The following NALF1 variants were observed in gnomAD, a reference collection of about 807,000 sequenced individuals.
NALF1 encodes family with sequence similarity 155 member A.
Under a neutral mutation model 48.4 loss-of-function variants are expected in NALF1, and 3 were observed. The ratio of observed to expected loss-of-function variants is 0.06; its 90% CI spans 0.03 to 0.16. The LOEUF (loss-of-function observed/expected upper bound fraction) is 0.16. Ranked by LOEUF, NALF1 falls within the 10% of genes least tolerant of loss-of-function variation. NALF1 has a pLI of 1.00. For missense variants in NALF1, 526 were observed against 571.5 expected (o/e 0.92, Z 0.81); for synonymous variants, 262 against 245.7 (o/e 1.07, Z -0.62).
chr13:107,827,574 C>T (rs1211366684), intron 1 of NALF1, among the ~76,000 whole-genome samples: 1 of 152,214 alleles, frequency 6.6e-6, no homozygotes, highest in Non-Finnish European at 1.5e-5. Context: ...AACCCACCTT[C>T]CCGGGTCAGC....
Position 107,472,566 on chromosome 13 carries a change from G to C in NALF1, c.916-261811C>G, listed in dbSNP as rs375521302. Among the ~76,000 whole-genome samples the C allele has an allele frequency of 6.3e-3, 966 of 152,230 alleles. 15 individuals carry two copies. The highest frequency in any genetic ancestry group is 0.022 in the African/African-American group (927 of 41,560). ...TGCCAGTGTGGCTAGGATAAAAGCA[G>C]GCAGAGGAACATGGAGAGACTAGAC... On this transcript the variant is annotated intron_variant, in intron 1 of 2. Transcript: ENST00000375915.
intron 1 of NALF1, among the ~76,000 whole-genome samples, chr13:107,260,230 G>A (rs750449704): frequency 1.3e-5 from 2 of 152,202 alleles, no homozygotes; most frequent in Non-Finnish European, 2.9e-5. Context: ...TACTCGGGAT[G>A]AAGTCATCGT....
rs563975277 is a variant in NALF1, at chr13:107,278,032, A to G, written c.916-67277T>C. Among the ~76,000 whole-genome samples the G allele has an allele frequency of 2.6e-5, 4 of 152,332 alleles. No individual in the cohort carries two copies. In the South Asian group the frequency reaches 8.3e-4, roughly 32 times the overall value. The stretch of plus-strand genomic sequence containing the variant: ...AAGCCACCATGTGTTTCCATCTTAT[A>G]CAATGATTTAAAAATAAGAGCAGTA... On this transcript the variant is annotated intron_variant, in intron 1 of 2. Transcript: ENST00000375915.
intron 1 of NALF1, among the ~76,000 whole-genome samples, chr13:107,314,321 C>A (rs74116007): frequency 0.014 from 2,202 of 152,094 alleles, 51 homozygotes; most frequent in African/African-American, 0.05. Flanking sequence ...CCTTCAAATG[C>A]GAGTTCTTCC....
At chr13:107,229,512 G>A (rs190117696) in intron 1 of NALF1, among the ~76,000 whole-genome samples, 6 of 152,236 alleles carry the variant, frequency 3.9e-5, no homozygotes, top group Non-Finnish European at 8.8e-5. Context: ...ATCAGGGGAC[G>A]CCTTCGGCTC....
chr13:107,423,655 C>A (rs1012998905), intron 1 of NALF1, among the ~76,000 whole-genome samples: 7 of 152,076 alleles, frequency 4.6e-5, no homozygotes, highest in African/African-American at 1.7e-4. Flanking sequence ...TGTGACTAAA[C>A]CCTGCCTTAA....
At chr13:107,714,007 C>G (rs1169958367) in intron 1 of NALF1, among the ~76,000 whole-genome samples, 2 of 152,162 alleles carry the variant, frequency 1.3e-5, no homozygotes, top group Admixed American at 6.5e-5. Context: ...TCATGAGAAG[C>G]CTCGGATGTG....
At chr13:107,564,561 T>G (rs1339994905) in intron 1 of NALF1, among the ~76,000 whole-genome samples, 2 of 152,256 alleles carry the variant, frequency 1.3e-5, no homozygotes, top group East Asian at 3.9e-4. Context: ...TTCTTGGAGT[T>G]TTATTCTTGG....
chr13:107,434,180 A>C (rs900132881), intron 1 of NALF1, among the ~76,000 whole-genome samples: 1 of 152,172 alleles, frequency 6.6e-6, no homozygotes, highest in Non-Finnish European at 1.5e-5. Flanking sequence ...ATAATCTCTC[A>C]TTTTATATTG....
chr13:107,349,477 T>G (rs1882832190), intron 1 of NALF1, among the ~76,000 whole-genome samples: 1 of 152,098 alleles, frequency 6.6e-6, no homozygotes, highest in African/African-American at 2.4e-5. Flanking sequence ...GTGCAGTGGC[T>G]CACACCTGTA....
chr13:107,848,424 A>T (rs1207492811), intron 1 of NALF1, among the ~76,000 whole-genome samples: 1 of 152,224 alleles, frequency 6.6e-6, no homozygotes, highest in Non-Finnish European at 1.5e-5. Flanking sequence ...ACTATGGTTC[A>T]TTAATTTGAA....
At chr13:107,670,186 A>G (rs1594195907) in intron 1 of NALF1, among the ~76,000 whole-genome samples, 3 of 152,240 alleles carry the variant, frequency 2.0e-5, no homozygotes, top group Admixed American at 2.0e-4. Flanking sequence ...ATACAGAAGA[A>G]TGTACTAAAA....
intron 1 of NALF1, among the ~76,000 whole-genome samples, chr13:107,649,425 C>T (rs1353032992): frequency 6.6e-6 from 1 of 152,098 alleles, no homozygotes; most frequent in Non-Finnish European, 1.5e-5. Flanking sequence ...TTAAGATGTA[C>T]TGGCTATGCA....
chr13:107,565,142 A>C (rs1239296306), intron 1 of NALF1, among the ~76,000 whole-genome samples: 7 of 151,456 alleles, frequency 4.6e-5, no homozygotes, highest in Non-Finnish European at 1.0e-4. Context: ...TTATAAAATA[A>C]GAGTGTCATA....
intron 1 of NALF1, among the ~76,000 whole-genome samples, chr13:107,622,715 T>C (rs920220548): frequency 3.3e-5 from 5 of 152,198 alleles, no homozygotes; most frequent in African/African-American, 1.2e-4. Context: ...AACCATTCCA[T>C]TTCAGATCCA....
intron 1 of NALF1, among the ~76,000 whole-genome samples, chr13:107,618,036 G>A (rs999973988): frequency 1.2e-4 from 18 of 152,198 alleles, no homozygotes; most frequent in African/African-American, 4.3e-4. Flanking sequence ...CTCTCATGTA[G>A]CTAATAATTA....
chr13:107,372,807 C>G (rs1026724901), intron 1 of NALF1, among the ~76,000 whole-genome samples: 1 of 152,116 alleles, frequency 6.6e-6, no homozygotes, highest in Non-Finnish European at 1.5e-5. Context: ...TATCAAAGGT[C>G]CCAAGAAACT....
intron 1 of NALF1, among the ~76,000 whole-genome samples, chr13:107,217,309 T>C (rs1879893486): frequency 6.6e-6 from 1 of 152,138 alleles, no homozygotes; most frequent in South Asian, 2.1e-4. Context: ...GGGACTTGTT[T>C]TATCCTGGTG....
chr13:107,332,720 G>A (rs1044655161), intron 1 of NALF1, among the ~76,000 whole-genome samples: 2 of 152,228 alleles, frequency 1.3e-5, no homozygotes, highest in East Asian at 3.8e-4. Flanking sequence ...AAGTCACTGT[G>A]AACACCTAGT....
Sources: allele counts gnomAD v4.1 joint callset (sites outside exome capture counted in the v4.1 genomes callset), GRCh38; gene constraint gnomAD v4.1.1; transcripts MANE v1.5; gene names NCBI Gene and HGNC (gene_info 2026-07-23, HGNC 2026-07-21).